The following SHANK2 variants were observed in gnomAD, a reference collection of about 807,000 sequenced individuals.
SHANK2 encodes the protein SH3 and multiple ankyrin repeat domains protein 2.
A neutral mutation model predicts 133.7 loss-of-function variants in SHANK2; 43 were observed. The ratio of observed to expected loss-of-function variants is 0.32; its 90% CI spans 0.25 to 0.41. SHANK2 has a LOEUF of 0.41. Among genes scored for constraint, SHANK2 ranks in the 10% least tolerant of loss-of-function variants. The pLI is 1.00. For missense variants in SHANK2, 1,994 were observed against 2,235.8 expected (o/e 0.89, Z 2.18); for synonymous variants, 1,017 against 952.8 (o/e 1.07, Z -1.24).
chr11:70,513,163 G>T (rs960590944), intron 17 of SHANK2, among the ~76,000 whole-genome samples: 27 of 144,072 alleles, frequency 1.9e-4, no homozygotes, highest in African/African-American at 4.0e-4. Flanking sequence ...GCAGTTTTTT[G>T]TTTTTTTTTT....
intron 11 of SHANK2, among the ~76,000 whole-genome samples, chr11:70,885,980 G>A (rs1024133615): frequency 6.6e-6 from 1 of 152,100 alleles, no homozygotes; most frequent in Non-Finnish European, 1.5e-5. Flanking sequence ...GCACGTGACC[G>A]ACCCCTTCAG....
intron 15 of SHANK2, among the ~76,000 whole-genome samples, chr11:70,675,264 G>A (rs1555016949): frequency 1.3e-5 from 2 of 152,196 alleles, no homozygotes; most frequent in African/African-American, 4.8e-5. Context: ...AGTAATTAGT[G>A]TAATTATTAT....
chr11:70,843,858 C>G (rs556196392), intron 11 of SHANK2, among the ~76,000 whole-genome samples: 2 of 152,148 alleles, frequency 1.3e-5, no homozygotes, highest in Non-Finnish European at 2.9e-5. Flanking sequence ...GCTCAGGGAC[C>G]AGGAGTTCAC....
intron 6 of SHANK2, among the ~76,000 whole-genome samples, chr11:71,107,388 C>G (rs1179369749): frequency 6.6e-6 from 1 of 152,182 alleles, no homozygotes; most frequent in Admixed American, 6.5e-5. Flanking sequence ...TTCCCAGGAG[C>G]CACTTATCGG....
chr11:70,871,249 G>T (rs1244595013), intron 11 of SHANK2, among the ~76,000 whole-genome samples: 1 of 152,230 alleles, frequency 6.6e-6, no homozygotes, highest in Admixed American at 6.5e-5. Flanking sequence ...CTTCAAAGGG[G>T]AGTCAGGGGT....
intron 14 of SHANK2, among the ~76,000 whole-genome samples, chr11:70,763,020 C>A (rs1295847844): frequency 1.3e-5 from 2 of 152,238 alleles, no homozygotes; most frequent in East Asian, 3.8e-4. Flanking sequence ...TCCCTCCCAG[C>A]CACTCAACTC....
chr11:70,752,409 T>C (rs1946767878), intron 14 of SHANK2, among the ~76,000 whole-genome samples: 1 of 152,102 alleles, frequency 6.6e-6, no homozygotes, highest in Admixed American at 6.5e-5. Flanking sequence ...AATAGGAACA[T>C]TGAATAATGA....
intron 17 of SHANK2, among the ~76,000 whole-genome samples, chr11:70,584,912 T>C (rs1554986350): frequency 6.6e-6 from 1 of 152,208 alleles, no homozygotes; most frequent in African/African-American, 2.4e-5. Context: ...TTCCACTACA[T>C]GTTCTGAAAA....
chr11:70,572,263 G>C (rs1416717388), intron 17 of SHANK2, among the ~76,000 whole-genome samples: 4 of 152,204 alleles, frequency 2.6e-5, no homozygotes, highest in Non-Finnish European at 5.9e-5. Context: ...AGGTTCAAGG[G>C]ATTCTCCTGC....
chr11:71,110,592 C>T (rs1951877938), intron 5 of SHANK2, among the ~76,000 whole-genome samples: 1 of 152,134 alleles, frequency 6.6e-6, no homozygotes, highest in Non-Finnish European at 1.5e-5. Context: ...AAAGACCTGT[C>T]TCAAAAAAGA....
chr11:70,834,931 A>G (rs576682435), intron 11 of SHANK2, among the ~76,000 whole-genome samples: 3 of 152,018 alleles, frequency 2.0e-5, no homozygotes, highest in African/African-American at 7.2e-5. Context: ...ACTCCAAGAG[A>G]TACTACTCAC....
intron 15 of SHANK2, among the ~76,000 whole-genome samples, chr11:70,665,873 C>A (rs1331121604): frequency 2.0e-5 from 3 of 152,134 alleles, no homozygotes; most frequent in African/African-American, 7.2e-5. Flanking sequence ...AGCTGGGTGA[C>A]CCTGGAGAAA....
intron 8 of SHANK2, among the ~76,000 whole-genome samples, chr11:71,090,292 T>TGTCC (rs1951486756): frequency 1.5e-5 from 1 of 68,386 alleles, no homozygotes; most frequent in Non-Finnish European, 2.9e-5. Context: ...TGTGTGTGTG[T>TGTCC]CCTGCTGCTT....
intron 17 of SHANK2, among the ~76,000 whole-genome samples, chr11:70,533,696 T>A (rs2059507775): frequency 6.6e-6 from 1 of 152,174 alleles, no homozygotes; most frequent in Non-Finnish European, 1.5e-5. Context: ...TGCGACTCCA[T>A]GGCATTTAGT....
At chr11:70,546,288 A>T (rs1174957502) in intron 17 of SHANK2, among the ~76,000 whole-genome samples, 39 of 151,914 alleles carry the variant, frequency 2.6e-4, no homozygotes, top group Admixed American at 2.6e-3. Flanking sequence ...TCATTGGCCA[A>T]TGGCAATTGA....
chr11:71,195,263 G>A (rs1233599834), intron 2 of SHANK2, among the ~76,000 whole-genome samples: 1 of 152,080 alleles, frequency 6.6e-6, no homozygotes, highest in Non-Finnish European at 1.5e-5. Flanking sequence ...GTGGTGGCGG[G>A]CGCCTGTAGT....
chr11:70,651,459 C>T (rs1328254398), intron 17 of SHANK2, among the ~76,000 whole-genome samples: 1 of 152,270 alleles, frequency 6.6e-6, no homozygotes, highest in African/African-American at 2.4e-5. Context: ...TCCAACCTCC[C>T]CGCCATCCAG....
chr11:71,125,733 A>G (rs1249531504), intron 3 of SHANK2, among the ~76,000 whole-genome samples: 2 of 152,210 alleles, frequency 1.3e-5, no homozygotes, highest in African/African-American at 4.8e-5. Flanking sequence ...CAGATTTTCA[A>G]TGTAGACAAG....
At chr11:70,717,526 C>T (rs974485355) in intron 14 of SHANK2, among the ~76,000 whole-genome samples, 4 of 152,180 alleles carry the variant, frequency 2.6e-5, no homozygotes, top group Admixed American at 2.6e-4. Context: ...CACAGTCCCC[C>T]TAAAACACAC....
Sources: gnomAD v4.1 joint callset for allele counts (sites outside exome capture counted in the v4.1 genomes callset) on GRCh38, gnomAD v4.1.1 for gene constraint, MANE v1.5 for transcripts, NCBI Gene and HGNC (gene_info 2026-07-23, HGNC 2026-07-21) for gene names.